The following SFMBT2 variants were observed in gnomAD, a reference collection of about 807,000 sequenced individuals.
SFMBT2 encodes scm-like with four MBT domains protein 2.
Under a neutral mutation model 110.1 loss-of-function variants are expected in SFMBT2, and 38 were observed. The observed-to-expected ratio is 0.35, with a 90% confidence interval of 0.27 to 0.45. The LOEUF (loss-of-function observed/expected upper bound fraction) is 0.45, where lower values mean the gene tolerates loss of function less well. SFMBT2 is among the 20% of genes least tolerant of loss of function. The pLI, the probability that SFMBT2 is intolerant of heterozygous loss-of-function variation, is 1.00. For missense variants in SFMBT2, 1,011 were observed against 1,094.9 expected (o/e 0.92, Z 1.08); for synonymous variants, 425 against 425.4 (o/e 1.00, Z 0.01).
At chr10:7,183,607 G>A (rs925823433) in intron 16 of SFMBT2, among the ~76,000 whole-genome samples, 1 of 152,082 alleles carries the variant, frequency 6.6e-6, no homozygotes, top group Non-Finnish European at 1.5e-5. Context: ...TCCCTCTTTG[G>A]GGGCAGCTTC....
In SFMBT2 at chr10:7,288,417, C is replaced by A. The variant is rs113020841; in HGVS notation, c.437-2463G>T. On this transcript the variant is annotated intron_variant, in intron 4 of 20. Transcript: ENST00000397167. ...AAAATGTCACCTTCCTTATTTTATA[C>A]ATACTCACATGGAAATACAAACACA... 4.9e-3 allele frequency among the ~76,000 whole-genome samples: 739 copies of A among 152,314 alleles called. 3 individuals are homozygous for A. Among genetic ancestry groups the A allele is most frequent in the African/African-American group, 0.017 (702 of 41,562 alleles).
At chr10:7,272,069 G>C (rs965401212) in intron 7 of SFMBT2, among the ~76,000 whole-genome samples, 4 of 152,152 alleles carry the variant, frequency 2.6e-5, no homozygotes, top group African/African-American at 9.7e-5. Flanking sequence ...GAGGGGCACG[G>C]AAGGAGACAC....
intron 14 of SFMBT2, 56 bp from the exon 15 acceptor site, chr10:7,197,743 G>T: frequency 6.4e-7 from 1 of 1,573,662 alleles, no homozygotes; most frequent in Non-Finnish European, 8.6e-7. Flanking sequence ...GACCCTAGGG[G>T]ACCCCTAGAC....
intron 4 of SFMBT2, among the ~76,000 whole-genome samples, chr10:7,339,822 A>T (rs1843832743): frequency 6.6e-6 from 1 of 152,174 alleles, no homozygotes. Flanking sequence ...AGCCTTTGAG[A>T]ATCCTCTGTT....
chr10:7,377,337 G>C (rs1037941683), intron 2 of SFMBT2, among the ~76,000 whole-genome samples: 1 of 152,150 alleles, frequency 6.6e-6, no homozygotes, highest in African/African-American at 2.4e-5. Flanking sequence ...ACCAGGGACT[G>C]GTTTTGTGGA....
Position 7,172,548 on chromosome 10 carries a change from C to T in SFMBT2, c.2098G>A (p.Val700Met), listed in dbSNP as rs374674288. 3.7e-5 allele frequency: 60 copies of T among 1,614,054 alleles called. No homozygotes were observed. The highest frequency in any genetic ancestry group is 3.3e-4 in the Middle Eastern group (2 of 6,084). Residue 700 changes from valine (V) to methionine (M), a missense_variant, in exon 18 of 21, where the codon GTG becomes ATG. Around this residue, in one of 2 missense-constraint regions of SFMBT2, gnomAD observed 979 missense variants for 1,016.1 expected, o/e 0.96. Transcript: ENST00000397167. This position sits in a 1 kb window ranked among gnomAD's most constrained non-coding sequence, Gnocchi z 4.6. ...RRRKRRKSIF[V>M]QKKRRSSAVD... ...GCAGAAGACCTCCGTTTCTTCTGCA[C>T]GAAAATGGATTTCCGTCGCTTCCTC...
chr10:7,368,138 A>T (rs1254001875), intron 3 of SFMBT2, among the ~76,000 whole-genome samples: 1 of 152,212 alleles, frequency 6.6e-6, no homozygotes, highest in East Asian at 1.9e-4. Flanking sequence ...AACCCAATAT[A>T]TCCAAAACAT....
Position 7,208,313 on chromosome 10 carries a change from A to G in SFMBT2, c.1331-2385T>C, listed in dbSNP as rs543826765. ...GCATTTGTTTCTTAGCTACTCAAAC[A>G]TTTTGCTAACAGGTTAGATTCCTCT... On this transcript the variant is annotated intron_variant, in intron 11 of 20. Coordinates refer to ENST00000397167, the MANE Select transcript of SFMBT2 (RefSeq NM_001387889.1). Among the ~76,000 whole-genome samples the G allele has an allele frequency of 6.6e-5, 10 of 152,266 alleles. No individual in the cohort carries two copies. The South Asian group carries it at 1.9e-3, about 28-fold the overall frequency.
chr10:7,274,051 T>C (rs1441120841), intron 7 of SFMBT2, among the ~76,000 whole-genome samples: 1 of 152,204 alleles, frequency 6.6e-6, no homozygotes, highest in Non-Finnish European at 1.5e-5. Context: ...AGTGATAGAC[T>C]GGATTAAGAA....
chr10:7,221,293 G>A (rs751555871), intron 10 of SFMBT2, among the ~76,000 whole-genome samples: 2 of 152,096 alleles, frequency 1.3e-5, no homozygotes, highest in African/African-American at 2.4e-5. Context: ...AAGGTCGGGT[G>A]TGGTGGCTCA....
intron 4 of SFMBT2, among the ~76,000 whole-genome samples, chr10:7,346,981 C>T (rs1205618056): frequency 6.8e-6 from 1 of 148,116 alleles, no homozygotes; most frequent in Non-Finnish European, 1.5e-5. Context: ...CAAAACCAGA[C>T]TCTGTCTCAA....
At chr10:7,234,465 A>G (rs963862285) in intron 9 of SFMBT2, among the ~76,000 whole-genome samples, 1 of 152,226 alleles carries the variant, frequency 6.6e-6, no homozygotes, top group African/African-American at 2.4e-5. Context: ...TCAGCTGTCA[A>G]TGGCAAAAAT....
At chr10:7,325,280 T>C (rs1193851142) in intron 4 of SFMBT2, among the ~76,000 whole-genome samples, 2 of 152,288 alleles carry the variant, frequency 1.3e-5, no homozygotes, top group East Asian at 3.9e-4. Flanking sequence ...AAGGCCCCAC[T>C]TTCAAACACA....
At chr10:7,348,446 T>C in intron 4 of SFMBT2, 5 of 840,856 alleles carry the variant, frequency 5.9e-6, no homozygotes, top group Non-Finnish European at 8.2e-6. Context: ...TTAAGGGCTT[T>C]TCAAAAAATT....
Position 7,206,520 on chromosome 10 carries a change from T to C in SFMBT2, c.1331-592A>G, listed in dbSNP as rs145847271. 24 of 985,454 alleles carry C rather than the reference T, an allele frequency of 2.4e-5. No homozygotes were observed. The East Asian group carries it at 1.9e-3, about 79-fold the overall frequency. 61.0% of individuals were successfully genotyped at this position (985,454 alleles called of 1,614,324 possible). On this transcript the variant is annotated intron_variant, in intron 11 of 20. Transcript: ENST00000397167. ...ACCTGACAACTTATCAGTTTGGAGT[T>C]ACTTTGTTTTGAACTCAGTTTGTGG... is the stretch of plus-strand genomic sequence containing the variant.
At chr10:7,181,333 T>G (rs964341940) in intron 16 of SFMBT2, among the ~76,000 whole-genome samples, 3 of 150,740 alleles carry the variant, frequency 2.0e-5, no homozygotes, top group African/African-American at 7.3e-5. Context: ...GTCAACATAA[T>G]ATAAGTATAC....
chr10:7,241,063 A>T (rs1321873550), intron 9 of SFMBT2: 1 of 152,172 alleles, frequency 6.6e-6, no homozygotes, highest in East Asian at 1.9e-4. Flanking sequence ...TGTTCTCCTA[A>T]CAGTGAATAA....
intron 7 of SFMBT2, among the ~76,000 whole-genome samples, chr10:7,251,902 C>A (rs1036325362): frequency 6.6e-6 from 1 of 152,162 alleles, no homozygotes; most frequent in African/African-American, 2.4e-5. Context: ...GCCTCTATCA[C>A]CCCGGCTTTC....
intron 1 of SFMBT2, among the ~76,000 whole-genome samples, chr10:7,392,923 C>A (rs1443487606): frequency 1.4e-5 from 2 of 145,136 alleles, no homozygotes; most frequent in Non-Finnish European, 3.0e-5. Flanking sequence ...AAACAATCCA[C>A]TCCTATCTCA....
Sources: allele counts gnomAD v4.1 joint callset (sites outside exome capture counted in the v4.1 genomes callset), GRCh38; gene constraint gnomAD v4.1.1; regional missense constraint gnomAD v4.1.1; non-coding constraint Gnocchi (gnomAD v3.1); transcripts MANE v1.5; gene names NCBI Gene and HGNC (gene_info 2026-07-23, HGNC 2026-07-21).